Variants in DPH7 observed in about 807,000 individuals in gnomAD.
The protein encoded by DPH7 is diphthine methyltransferase.
DPH7 carries 44 observed loss-of-function variants against 41.7 expected under a neutral mutation model. That is an observed-to-expected ratio of 1.05 (90% CI 0.83 to 1.36). DPH7 has a LOEUF of 1.36. Among genes scored for constraint, DPH7 ranks in the 40% most tolerant of loss-of-function variants. The pLI is 0.00. For missense variants in DPH7, 629 were observed against 577.5 expected (o/e 1.09, Z -0.91); for synonymous variants, 275 against 238.0 (o/e 1.16, Z -1.43).
In DPH7 at chr9:137,578,884, G is replaced by A. The variant is rs1018274219; in HGVS notation, c.-107C>T. The stretch of plus-strand genomic sequence containing the variant: ...CCGGGGCCGGCCGGACGAGCGCAGA[G>A]CCCCAGGGACACCGTCAGCGCGGGC... On this transcript the variant is annotated 5_prime_UTR_variant, in exon 1 of 9. Transcript: ENST00000277540. The A allele has an allele frequency of 4.7e-5, 56 of 1,180,104 alleles. No homozygotes were observed. Among genetic ancestry groups the A allele is most frequent in the Non-Finnish European group, 5.7e-5 (53 of 923,420 alleles). The allele number at this position is 1,180,104 out of a possible 1,614,324, so 73.1% of individuals were successfully genotyped here.
At chr9:137,574,648 A>G (rs1031694851) in intron 4 of DPH7, 104 bp downstream of exon 4, 3 of 1,114,704 alleles carry the variant, frequency 2.7e-6, no homozygotes, top group Admixed American at 4.2e-5. Flanking sequence ...AGGGCTGAGG[A>G]GCACAGTCGC....
chr9:137,574,154 C>T (rs201361744), intron 5 of DPH7, 54 bp downstream of exon 5: 35 of 1,570,236 alleles, frequency 2.2e-5, no homozygotes, highest in African/African-American at 8.1e-5. Flanking sequence ...TCTCTCCCTC[C>T]GCCCCTTCCT....
At chr9:137,578,310 G>GC (rs1365828904) in intron 1 of DPH7, among the ~76,000 whole-genome samples, 1 of 152,120 alleles carries the variant, frequency 6.6e-6, no homozygotes, top group Non-Finnish European at 1.5e-5. Context: ...GACTACAGGC[G>GC]CCGCCACCAC....
intron 4 of DPH7, 33 bp downstream of exon 4, chr9:137,574,719 G>A (rs1277412181): frequency 3.8e-6 from 6 of 1,599,762 alleles, no homozygotes; most frequent in Non-Finnish European, 5.1e-6. Context: ...CTCAGAGAAA[G>A]ACTCAGGACC....
chr9:137,575,936 C>T, intron 3 of DPH7, 144 bp downstream of exon 3: 3 of 1,461,628 alleles, frequency 2.1e-6, no homozygotes, highest in Non-Finnish European at 2.7e-6. Flanking sequence ...TAAAAATAGA[C>T]TCCACATTAT....
chr9:137,564,784 C>G, intron 7 of DPH7, 109 bp downstream of exon 7: 1 of 1,445,006 alleles, frequency 6.9e-7, no homozygotes, highest in Non-Finnish European at 9.5e-7. Context: ...AGACGAAATG[C>G]TGCAATGGTG....
In DPH7 at chr9:137,555,639, T is replaced by C. The variant is rs1385256352; in HGVS notation, c.959A>G (p.Gln320Arg). The change falls in exon 9 of 9, where the codon CAG becomes CGG. Residue 320 changes from glutamine (Q) to arginine (R), a missense_variant. By Grantham distance (43) the Gln-to-Arg change is conservative. Transcript: ENST00000277540. Reference sequence around the variant, plus strand: ...GTGAGATGTCAGGACCGTCGCCTCCTGCCTCTCCTCTGGAGTGAGAGATGG... The same window carrying C: ...GTGAGATGTCAGGACCGTCGCCTCCCGCCTCTCCTCTGGAGTGAGAGATGG... ...LNCQKAMEER[Q>R]EATVLTSHTL... The C allele has an allele frequency of 4.4e-6, 7 of 1,598,800 alleles. No homozygotes were observed. The highest frequency in any genetic ancestry group is 3.4e-6 in the Non-Finnish European group (4 of 1,170,522).
At chr9:137,563,092 C>T (rs1334302797) in intron 8 of DPH7, among the ~76,000 whole-genome samples, 3 of 151,946 alleles carry the variant, frequency 2.0e-5, no homozygotes, top group Non-Finnish European at 4.4e-5. Context: ...CTGCAGTGAG[C>T]TACAATTGCA....
chr9:137,577,218 C>T (rs1028310120), intron 2 of DPH7, among the ~76,000 whole-genome samples: 1 of 152,190 alleles, frequency 6.6e-6, no homozygotes, highest in Non-Finnish European at 1.5e-5. Flanking sequence ...CTAGAGCCTA[C>T]AACTGTGTTC....
Position 137,578,814 on chromosome 9 carries a change from G to A in DPH7, c.-37C>T. On this transcript the variant is annotated 5_prime_UTR_variant, in exon 1 of 9. Coordinates refer to ENST00000277540, the MANE Select transcript of DPH7 (RefSeq NM_138778.5). ...GGAAGGGCGCGGAGCCGGCAGTAGA[G>A]GCGGGTCGGCGGGGCCGGGCTGGGT... 7.2e-7 allele frequency: 1 copy of A among 1,396,380 alleles called. No individual in the cohort carries two copies. Among genetic ancestry groups the A allele is most frequent in the Non-Finnish European group, 9.3e-7 (1 of 1,071,496 alleles). The allele number at this position is 1,396,380 out of a possible 1,614,324, so 86.5% of individuals were successfully genotyped here.
At chr9:137,559,324 A>C (rs1373917790) in intron 8 of DPH7, among the ~76,000 whole-genome samples, 2 of 152,228 alleles carry the variant, frequency 1.3e-5, no homozygotes, top group Non-Finnish European at 2.9e-5. Flanking sequence ...GCATCTGGGA[A>C]GACGCCCGTT....
At chr9:137,564,639 G>C in intron 7 of DPH7, 33 bp from the exon 8 acceptor site, 1 of 1,595,788 alleles carries the variant, frequency 6.3e-7, no homozygotes, top group Non-Finnish European at 8.6e-7. Context: ...GGCATATAAG[G>C]AAAGCCCAGG....
At position 137,574,758 on chromosome 9, in the gene DPH7, G is replaced by A. The variant is rs749408511; in HGVS notation, c.461C>T (p.Thr154Ile). The A allele has an allele frequency of 3.1e-6, 5 of 1,613,838 alleles. No homozygotes were observed. The African/African-American group carries it at 6.7e-5, about 22-fold the overall frequency. ...ALSLDWSTGK[T>I]GRAGDQPLKI... ...GACCAAGCCTGGCCCTTACCTTCCA[G>A]TTTTCCCAGTGGACCAATCTAGGGA... is the stretch of plus-strand genomic sequence containing the variant. The change falls in exon 4 of 9, where the codon ACT (threonine) becomes ATT (isoleucine). Residue 154 changes from threonine to isoleucine, a missense_variant. Physicochemically the swap from Thr to Ile is moderately conservative, Grantham distance 89 (BLOSUM62 -1). Transcript: ENST00000277540.
At chr9:137,578,410 T>C (rs1006553885) in intron 1 of DPH7, 80 of 466,988 alleles carry the variant, frequency 1.7e-4, no homozygotes, top group Non-Finnish European at 2.6e-4. Flanking sequence ...TCGTGATCCG[T>C]CCGCCTCGGC....
chr9:137,576,723 A>G (rs1279480074), intron 2 of DPH7, among the ~76,000 whole-genome samples: 2 of 152,164 alleles, frequency 1.3e-5, no homozygotes, highest in African/African-American at 2.4e-5. Context: ...CCACGTCTCT[A>G]CTAAAAATAC....
intron 8 of DPH7, among the ~76,000 whole-genome samples, chr9:137,559,125 G>A (rs1838052235): frequency 1.3e-5 from 2 of 152,182 alleles, no homozygotes; most frequent in South Asian, 4.1e-4. Flanking sequence ...TCATTAGTTG[G>A]TAGTAATTAC....
intron 8 of DPH7, among the ~76,000 whole-genome samples, chr9:137,562,009 C>A (rs575795572): frequency 6.6e-6 from 1 of 152,302 alleles, no homozygotes; most frequent in Non-Finnish European, 1.5e-5. Context: ...GGACTGCAGG[C>A]ACCCACCACA....
chr9:137,574,967 A>G, intron 3 of DPH7, 124 bp from the exon 4 acceptor site: 1 of 1,488,896 alleles, frequency 6.7e-7, no homozygotes, highest in Non-Finnish European at 8.9e-7. Flanking sequence ...GAAGTACATC[A>G]GTCACTGAGT....
intron 3 of DPH7, chr9:137,575,626 G>T: frequency 9.9e-7 from 1 of 1,009,646 alleles, no homozygotes; most frequent in Non-Finnish European, 1.2e-6. Context: ...TCTCCTCCCC[G>T]ACAGCTATCA....
Sources: gnomAD v4.1 joint callset for allele counts (sites outside exome capture counted in the v4.1 genomes callset) on GRCh38, gnomAD v4.1.1 for gene constraint, MANE v1.5 for transcripts, NCBI Gene and HGNC (gene_info 2026-07-23, HGNC 2026-07-21) for gene names.